The following DCUN1D2 variants were observed in gnomAD, a reference collection of about 807,000 sequenced individuals.
DCUN1D2 encodes the protein defective in cullin neddylation 1 domain containing 2.
In DCUN1D2, 29 loss-of-function variants were observed where a neutral mutation model predicts 30.9. That is an observed-to-expected ratio of 0.94 (90% confidence interval 0.70 to 1.28). DCUN1D2 has a LOEUF of 1.28. DCUN1D2 is among the 50% of genes most tolerant of loss of function. The pLI is 0.00. For missense variants in DCUN1D2, 325 were observed against 316.9 expected, an observed-to-expected ratio of 1.03 and a Z score of -0.19; for synonymous variants, 121 against 115.3, an observed-to-expected ratio of 1.05 and a Z score of -0.32.
intron 4 of DCUN1D2, chr13:113,462,896 G>A: frequency 2.4e-6 from 3 of 1,245,508 alleles, no homozygotes; most frequent in Admixed American, 2.8e-5. Flanking sequence ...GTGAACCTGG[G>A]GAGGAAAAAA....
chr13:113,480,684 T>C lies in DCUN1D2; in HGVS notation c.280A>G (p.Ser94Gly). The part of the protein sequence containing the change: ...DGIQQFCDDL[S>G]LDPASISVLV... ...ACACTGATACTGGCAGGATCCAGGCTCAGATCATCACAAAACTGTTGAATC... is the reference window on the plus strand; with the variant it reads ...ACACTGATACTGGCAGGATCCAGGCCCAGATCATCACAAAACTGTTGAATC... The change falls in exon 3 of 7, where the codon AGC (serine) becomes GGC (glycine). Residue 94 changes from serine to glycine, a missense_variant. By Grantham distance (56) the Ser-to-Gly change is moderately conservative (BLOSUM62 0). Coordinates refer to ENST00000478244, the MANE Select transcript of DCUN1D2 (RefSeq NM_001014283.2). The C allele has an allele frequency of 6.2e-7, 1 of 1,614,178 alleles. No homozygotes were observed. Among genetic ancestry groups the C allele is most frequent in the Non-Finnish European group, 8.5e-7 (1 of 1,180,020 alleles).
At chr13:113,465,387 G>T (rs1409374055) in intron 4 of DCUN1D2, among the ~76,000 whole-genome samples, 1 of 152,096 alleles carries the variant, frequency 6.6e-6, no homozygotes, top group Non-Finnish European at 1.5e-5. Flanking sequence ...GAAAAATCAT[G>T]ATCGTTACAC....
Position 113,456,074 on chromosome 13 carries a change from C to T in DCUN1D2, c.*1955G>A, listed in dbSNP as rs544681241. On this transcript the variant is annotated 3_prime_UTR_variant, in exon 7 of 7. Transcript: ENST00000478244. ...ACAAAACAATTACATGTCAAGAATC[C>T]ATGAAGCCTGGAAGATACGCTCACG... 2 of 397,492 alleles carry T rather than the reference C, an allele frequency of 5.0e-6. No individual in the cohort carries two copies. The highest frequency in any genetic ancestry group is 7.1e-5 in the East Asian group (2 of 28,074). The allele number at this position is 397,492 out of a possible 1,614,324, so 24.6% of individuals were successfully genotyped here.
At chr13:113,481,744 C>T (rs570538600) in intron 2 of DCUN1D2, among the ~76,000 whole-genome samples, 1 of 151,786 alleles carries the variant, frequency 6.6e-6, no homozygotes, top group Non-Finnish European at 1.5e-5. Context: ...ATTAACTGGG[C>T]GGGGTGGCTC....
At chr13:113,489,207 C>A in intron 1 of DCUN1D2, 1 of 939,950 alleles carries the variant, frequency 1.1e-6, no homozygotes, top group Non-Finnish European at 1.3e-6. Context: ...CATCCCTGCT[C>A]TTGGATCTCC....
chr13:113,474,526 T>C (rs1247853598), intron 3 of DCUN1D2, among the ~76,000 whole-genome samples: 1 of 152,064 alleles, frequency 6.6e-6, no homozygotes, highest in Non-Finnish European at 1.5e-5. Flanking sequence ...AACCACTGAG[T>C]TGTAGGCTTT....
chr13:113,467,705 T>A (rs2044429449), intron 4 of DCUN1D2, among the ~76,000 whole-genome samples: 1 of 152,102 alleles, frequency 6.6e-6, no homozygotes, highest in Admixed American at 6.5e-5. Flanking sequence ...TTAAACAGAA[T>A]TACCATACAT....
At chr13:113,489,891 G>C (rs933780013) in intron 1 of DCUN1D2, among the ~76,000 whole-genome samples, 1 of 152,010 alleles carries the variant, frequency 6.6e-6, no homozygotes, top group Non-Finnish European at 1.5e-5. Context: ...TCCCAACTGT[G>C]GTCAAACAAT....
In DCUN1D2 at chr13:113,483,867, G is replaced by C. The variant is rs2139741194; in HGVS notation, c.193C>G (p.Leu65Val). 1 of 1,612,872 alleles carries C rather than the reference G, an allele frequency of 6.2e-7. No homozygotes were observed. Among genetic ancestry groups the C allele is most frequent in the East Asian group, 2.2e-5 (1 of 44,886 alleles). ...TTGTACCTGCCGTACAGCCGCTCCA[G>C]CTTCTTCTTGTCCACAGCGTTCCGC... ...SMRNAVDKKK[L>V]ERLYGRYKDP... is the part of the protein sequence containing the mutation. The change falls in exon 2 of 7, where the codon CTG (leucine) becomes GTG (valine). Residue 65 changes from leucine to valine, a missense_variant. Leu to Val is a conservative substitution (Grantham distance 32, BLOSUM62 1). Coordinates refer to ENST00000478244, the MANE Select transcript of DCUN1D2 (RefSeq NM_001014283.2).
intron 4 of DCUN1D2, among the ~76,000 whole-genome samples, chr13:113,461,539 G>A (rs947924475): frequency 2.6e-5 from 4 of 152,258 alleles, no homozygotes; most frequent in Admixed American, 1.3e-4. Context: ...GTTTAGGAAG[G>A]AAGGGACACA....
Position 113,459,316 on chromosome 13 carries a change from T to C in DCUN1D2, c.696A>G (p.Glu232=), listed in dbSNP as rs767908639. 3 of 1,565,444 alleles carry C rather than the reference T, an allele frequency of 1.9e-6. No individual in the cohort carries two copies. Among genetic ancestry groups the C allele is most frequent in the Non-Finnish European group, 2.6e-6 (3 of 1,135,772 alleles). ...CTGAAGCACAACTTCCGGTACCTTC[T>C]TCATCGTAGTTAGACATATCATCCG... ...MIADDMSNYD[E]EGAWPVLIDD... is the part of the protein sequence containing the mutation. Residue 232 remains glutamate (E), a synonymous_variant, in exon 6 of 7, where the codon GAA becomes GAG. Transcript: ENST00000478244.
intron 3 of DCUN1D2, 130 bp downstream of exon 3, chr13:113,480,445 C>A (rs977661991): frequency 2.2e-6 from 2 of 906,850 alleles, no homozygotes; most frequent in Admixed American, 5.3e-5. Flanking sequence ...AGAGTACAGA[C>A]GCATAAGAAA....
intron 5 of DCUN1D2, 190 bp from the exon 6 acceptor site, chr13:113,459,598 T>C (rs1474774084): frequency 3.6e-5 from 16 of 439,034 alleles, no homozygotes; most frequent in Non-Finnish European, 6.5e-5. Context: ...TGTCCAAATA[T>C]AGAAAGCAGA....
chr13:113,455,938 T>C lies in DCUN1D2; in HGVS notation c.*2091A>G, dbSNP rs2044219093. On this transcript the variant is annotated 3_prime_UTR_variant, in exon 7 of 7. Coordinates refer to ENST00000478244, the MANE Select transcript of DCUN1D2 (RefSeq NM_001014283.2). Reference sequence around the variant, plus strand: ...GGAAAAGCCTTTGTCCAATGATTAATATTTTGATATCTATTGACAATCCCT... The same window carrying C: ...GGAAAAGCCTTTGTCCAATGATTAACATTTTGATATCTATTGACAATCCCT... 6.0e-6 allele frequency: 2 copies of C among 331,304 alleles called. No homozygotes were observed. The highest frequency in any genetic ancestry group is 1.1e-5 in the Non-Finnish European group (2 of 185,166). The allele number at this position is 331,304 out of a possible 1,614,324, so 20.5% of individuals were successfully genotyped here.
chr13:113,479,977 C>T (rs1423362384), intron 3 of DCUN1D2, among the ~76,000 whole-genome samples: 3 of 152,174 alleles, frequency 2.0e-5, no homozygotes, highest in Non-Finnish European at 4.4e-5. Context: ...TCTAACCTTA[C>T]GGGACCACTG....
chr13:113,477,435 A>G (rs1489380070), intron 3 of DCUN1D2, among the ~76,000 whole-genome samples: 4 of 152,176 alleles, frequency 2.6e-5, no homozygotes, highest in Admixed American at 6.5e-5. Context: ...TGGTTGTTGC[A>G]CTTGGTGTCC....
intron 4 of DCUN1D2, among the ~76,000 whole-genome samples, chr13:113,470,871 A>C (rs1371215143): frequency 6.7e-6 from 1 of 148,736 alleles, no homozygotes. Flanking sequence ...TCCACAGGGA[A>C]CCCAGCTCCA....
In DCUN1D2 at chr13:113,485,655, GT is replaced by G. The variant is rs112235345; in HGVS notation, c.4-1600del. 9.5e-3 allele frequency among the ~76,000 whole-genome samples: 1,382 copies of G among 145,568 alleles called. 19 individuals are homozygous for G. The highest frequency in any genetic ancestry group is 0.025 in the African/African-American group (977 of 39,856). On this transcript the variant is annotated intron_variant, in intron 1 of 6. Transcript: ENST00000478244. ...CGTACAGCAGAGCCAGCTTCCAGAA[GT>G]TTTTTTTTTTTTGAGACAGGCAATC...
Position 113,474,233 on chromosome 13 carries a change from T to C in DCUN1D2, c.411A>G (p.Leu137=). The C allele has an allele frequency of 1.2e-6, 2 of 1,614,044 alleles. No individual in the cohort carries two copies. Among genetic ancestry groups the C allele is most frequent in the Non-Finnish European group, 1.7e-6 (2 of 1,179,912 alleles). ...GCTCCAGTCTTGGCAGAAGAGCCTT[T>C]AGCTTCTCCATGCTGTCACACCTGC... The part of the protein sequence containing the change: ...TELGCDSMEK[L]KALLPRLEQE... Residue 137 remains leucine (L), a synonymous_variant, in exon 4 of 7, where the codon CTA becomes CTG. Coordinates refer to ENST00000478244, the MANE Select transcript of DCUN1D2 (RefSeq NM_001014283.2).
Sources: allele counts gnomAD v4.1 joint callset (sites outside exome capture counted in the v4.1 genomes callset), GRCh38; gene constraint gnomAD v4.1.1; transcripts MANE v1.5; gene names NCBI Gene and HGNC (gene_info 2026-07-23, HGNC 2026-07-21).